Variants in SKAP1 observed in about 807,000 individuals in gnomAD.
SKAP1 encodes src kinase-associated phosphoprotein 1.
Under a neutral mutation model 58.5 loss-of-function variants are expected in SKAP1, and 44 were observed. The ratio of observed to expected loss-of-function variants is 0.75; its 90% CI spans 0.59 to 0.97. SKAP1 has a LOEUF of 0.97. Ranked by LOEUF, SKAP1 falls within the 50% of genes least tolerant of loss-of-function variation. The probability of loss-of-function intolerance (pLI) is 0.00; values close to 1 mark genes in which losing one functional copy is unlikely to be tolerated. For synonymous variants in SKAP1, 127 were observed against 149.7 expected (o/e 0.85, Z 1.11); for missense variants, 390 against 435.2 (o/e 0.90, Z 0.92).
Position 48,380,288 on chromosome 17 carries a change from A to G in SKAP1, c.152+16392T>C, listed in dbSNP as rs1027544228. ...GCCAGTTCACAAGGAAGCACAGAGCAGCATATGAACATATCCCCATCTCCT... is the reference window on the plus strand; with the variant it reads ...GCCAGTTCACAAGGAAGCACAGAGCGGCATATGAACATATCCCCATCTCCT... On this transcript the variant is annotated intron_variant, in intron 2 of 12. Coordinates refer to ENST00000336915, the MANE Select transcript of SKAP1 (RefSeq NM_003726.4). 4 of 152,272 alleles carry G rather than the reference A, an allele frequency of 2.6e-5. No individual in the cohort carries two copies. The East Asian group carries it at 7.7e-4, about 29-fold the overall frequency. The allele number at this position is 152,272 out of a possible 1,614,324, so 9.4% of individuals were successfully genotyped here.
intron 4 of SKAP1, among the ~76,000 whole-genome samples, chr17:48,202,050 T>C (rs1029433085): frequency 2.1e-4 from 32 of 152,208 alleles, no homozygotes; most frequent in Non-Finnish European, 1.5e-5. Flanking sequence ...CTGTTAATGG[T>C]GAAGGCTACA....
At chr17:48,134,007 C>T (rs1046984775) in intron 12 of SKAP1, among the ~76,000 whole-genome samples, 191 bp from the exon 13 acceptor site, 1 of 152,098 alleles carries the variant, frequency 6.6e-6, no homozygotes, top group African/African-American at 2.4e-5. Flanking sequence ...TATATATAGT[C>T]TCCAGTCCTT....
At chr17:48,325,248 CAA>C (rs200281665) in intron 4 of SKAP1, among the ~76,000 whole-genome samples, 17 of 91,460 alleles carry the variant, frequency 1.9e-4, no homozygotes, top group South Asian at 5.0e-4. Flanking sequence ...GACTCCGTCT[CAA>C]AAAAAAAAAA....
intron 1 of SKAP1, among the ~76,000 whole-genome samples, chr17:48,398,811 G>A (rs1194117165): frequency 6.6e-6 from 1 of 152,146 alleles, no homozygotes; most frequent in Non-Finnish European, 1.5e-5. Context: ...CATGAGGTCA[G>A]GAGATTGAGA....
chr17:48,206,832 A>AT (rs2064816672), intron 4 of SKAP1, among the ~76,000 whole-genome samples: 1 of 152,012 alleles, frequency 6.6e-6, no homozygotes, highest in South Asian at 2.1e-4. Context: ...ATTAAAAAAA[A>AT]TTTTTTTGGA....
intron 4 of SKAP1, among the ~76,000 whole-genome samples, chr17:48,203,232 A>G (rs1473908183): frequency 6.6e-6 from 1 of 152,256 alleles, no homozygotes; most frequent in Non-Finnish European, 1.5e-5. Flanking sequence ...GGACTTCATT[A>G]AGCTCAACTT....
intron 4 of SKAP1, among the ~76,000 whole-genome samples, chr17:48,265,541 C>T (rs2065537219): frequency 6.6e-6 from 1 of 150,658 alleles, no homozygotes; most frequent in Admixed American, 6.6e-5. Context: ...AGCTATGACA[C>T]TGTGGTGTGT....
chr17:48,229,251 A>G (rs992971144), intron 4 of SKAP1, among the ~76,000 whole-genome samples: 3 of 152,206 alleles, frequency 2.0e-5, no homozygotes, highest in Non-Finnish European at 4.4e-5. Flanking sequence ...TTGGAAATAA[A>G]GCAAGAGAAT....
intron 4 of SKAP1, chr17:48,193,612 C>G (rs1241703585): frequency 1.1e-6 from 1 of 875,396 alleles, no homozygotes; most frequent in Non-Finnish European, 1.4e-6. Flanking sequence ...CTGACAAATC[C>G]AAATAACCAA....
intron 11 of SKAP1, among the ~76,000 whole-genome samples, chr17:48,160,933 A>G (rs1305124070): frequency 6.6e-6 from 1 of 152,124 alleles, no homozygotes; most frequent in African/African-American, 2.4e-5. Context: ...TTTGCTTCCA[A>G]TTTATTCTTG....
Position 48,304,532 on chromosome 17 carries a change from T to C in SKAP1, c.280+41373A>G, listed in dbSNP as rs147545903. On this transcript the variant is annotated intron_variant, in intron 4 of 12. Transcript: ENST00000336915. ...CTTCTAAAAATTAGAGCTAATGGGC[T>C]TCTGCTGTATCACGAGAGACTCAGA... Among the ~76,000 whole-genome samples the C allele has an allele frequency of 4.7e-3, 709 of 152,314 alleles. 4 individuals carry two copies. Among genetic ancestry groups the C allele is most frequent in the African/African-American group, 0.016 (661 of 41,570 alleles).
At chr17:48,229,630 T>C (rs2065106139) in intron 4 of SKAP1, among the ~76,000 whole-genome samples, 1 of 151,854 alleles carries the variant, frequency 6.6e-6, no homozygotes, top group African/African-American at 2.4e-5. Context: ...CAAAAATAAA[T>C]AAATAAATAA....
intron 2 of SKAP1, among the ~76,000 whole-genome samples, chr17:48,374,129 GGCTCAAGCCATCGTTCCA>G (rs2067123872): frequency 1.3e-5 from 2 of 152,090 alleles, no homozygotes; most frequent in South Asian, 4.1e-4. Context: ...CTGCCTCCCA[GGCTCAAGCCATCGTTCCA>G]CCTTAGCTTC....
chr17:48,330,054 CTAAG>C (rs1255569396), intron 4 of SKAP1, among the ~76,000 whole-genome samples: 1 of 152,112 alleles, frequency 6.6e-6, no homozygotes, highest in East Asian at 1.9e-4. Context: ...TAGTTATGTG[CTAAG>C]TAAGTGGTTG....
chr17:48,204,514 A>G (rs1299134915), intron 4 of SKAP1: 1 of 152,172 alleles, frequency 6.6e-6, no homozygotes, highest in Non-Finnish European at 1.5e-5. Context: ...TAAAGTCAAG[A>G]TGAATAATGC....
chr17:48,390,843 G>C (rs930766577), intron 2 of SKAP1, among the ~76,000 whole-genome samples: 2 of 152,216 alleles, frequency 1.3e-5, no homozygotes, highest in African/African-American at 4.8e-5. Flanking sequence ...GGGAGGCCAA[G>C]GTGGGTGGAC....
chr17:48,372,290 T>A (rs1382332234), intron 2 of SKAP1, among the ~76,000 whole-genome samples: 1 of 148,912 alleles, frequency 6.7e-6, no homozygotes, highest in Non-Finnish European at 1.5e-5. Flanking sequence ...GGTATATGTT[T>A]TACATGTGTT....
intron 2 of SKAP1, among the ~76,000 whole-genome samples, chr17:48,379,021 A>C (rs911720818): frequency 3.9e-5 from 6 of 152,200 alleles, no homozygotes; most frequent in Non-Finnish European, 7.3e-5. Context: ...ATTTTCCTCT[A>C]AATCACTCAC....
At chr17:48,227,659 C>T (rs2065084285) in intron 4 of SKAP1, among the ~76,000 whole-genome samples, 1 of 152,012 alleles carries the variant, frequency 6.6e-6, no homozygotes, top group East Asian at 1.9e-4. Flanking sequence ...GGGGAGATTC[C>T]ATAACATAGT....
Sources: gnomAD v4.1 joint callset for allele counts (sites outside exome capture counted in the v4.1 genomes callset) on GRCh38, gnomAD v4.1.1 for gene constraint, MANE v1.5 for transcripts, NCBI Gene and HGNC (gene_info 2026-07-23, HGNC 2026-07-21) for gene names.